Variants in TBC1D2 observed in about 807,000 individuals in gnomAD.
TBC1D2 encodes TBC1 domain family member 2, also known as TBC1 domain family member 2A.
A neutral mutation model predicts 91.1 loss-of-function variants in TBC1D2; 58 were observed. The ratio of observed to expected loss-of-function variants is 0.64; its 90% CI spans 0.52 to 0.79. The LOEUF is 0.79. Among genes scored for constraint, TBC1D2 ranks in the 30% least tolerant of loss-of-function variants. The pLI, the probability that TBC1D2 is intolerant of heterozygous loss-of-function variation, is 0.00. For missense variants in TBC1D2, 1,080 were observed against 1,208.3 expected, an observed-to-expected ratio of 0.89 and a Z score of 1.57; for synonymous variants, 482 against 511.5, an observed-to-expected ratio of 0.94 and a Z score of 0.78.
intron 7 of TBC1D2, among the ~76,000 whole-genome samples, chr9:98,212,176 C>T (rs542764647): frequency 3.9e-5 from 6 of 152,296 alleles, no homozygotes; most frequent in East Asian, 3.9e-4. Context: ...CCCTCCTGAG[C>T]AGTCACAGCA....
In TBC1D2 at chr9:98,210,831, G is replaced by C; in HGVS notation, c.1498C>G (p.Gln500Glu). The C allele has an allele frequency of 6.4e-7, 1 of 1,551,592 alleles. No homozygotes were observed. The highest frequency in any genetic ancestry group is 1.2e-5 in the South Asian group (1 of 84,030). ...CTTTCCACCTGGCAGTTTCTGGCTT[G>C]GAGGTAGGCGCACTGCAAACAGGGA... is the stretch of plus-strand genomic sequence containing the variant. ...KALLTKCAYLQARNCQVESKY... is the reference protein window; with the variant it reads ...KALLTKCAYLEARNCQVESKY... Residue 500 changes from glutamine to glutamate, a missense_variant, in exon 8 of 13, where the codon CAA (glutamine) becomes GAA (glutamate). Transcript: ENST00000465784.
At chr9:98,238,673 A>G (rs1563986196) in intron 3 of TBC1D2, among the ~76,000 whole-genome samples, 1 of 137,266 alleles carries the variant, frequency 7.3e-6, no homozygotes, top group East Asian at 1.9e-4. Context: ...TAAGTATGTT[A>G]GCTTTGCATT....
intron 9 of TBC1D2, among the ~76,000 whole-genome samples, chr9:98,207,111 G>A (rs1056516987): frequency 9.2e-5 from 14 of 152,176 alleles, no homozygotes; most frequent in African/African-American, 3.1e-4. Flanking sequence ...AGGAGGCTTC[G>A]ACTGAGAGGC....
At chr9:98,201,426 G>A in intron 11 of TBC1D2, 53 bp downstream of exon 11, 2 of 1,532,050 alleles carry the variant, frequency 1.3e-6, no homozygotes, top group South Asian at 1.2e-5. Flanking sequence ...AGACGCAGAT[G>A]GGTGAAGGGA....
chr9:98,234,238 A>C (rs541731908), intron 3 of TBC1D2, among the ~76,000 whole-genome samples: 1 of 152,244 alleles, frequency 6.6e-6, no homozygotes, highest in South Asian at 2.1e-4. Context: ...ACCTACCTGC[A>C]TGTTTGCTGG....
At position 98,209,289 on chromosome 9, in the gene TBC1D2, T is replaced by G. The variant is rs1828750157; in HGVS notation, c.1674-145A>C. On this transcript the variant is annotated intron_variant, in intron 8 of 12. Transcript: ENST00000465784. ...ACAGCTCTGGGCAGGTCACTTCAGT[T>G]CTCCCAACCTCAGATTGCGAATCTG... The G allele has an allele frequency of 1.2e-5, 9 of 746,242 alleles. No individual in the cohort carries two copies. In the South Asian group the frequency reaches 1.5e-4, roughly 12 times the overall value. The allele number at this position is 746,242 out of a possible 1,614,324, so 46.2% of individuals were successfully genotyped here.
Position 98,227,305 on chromosome 9 carries a change from T to G in TBC1D2, c.978+1647A>C, listed in dbSNP as rs185644391. 3.6e-3 allele frequency among the ~76,000 whole-genome samples: 552 copies of G among 152,354 alleles called. 1 individual carries two copies. The highest frequency in any genetic ancestry group is 6.8e-3 in the Middle Eastern group (2 of 294). On this transcript the variant is annotated intron_variant, in intron 5 of 12. Transcript: ENST00000465784. ...GCAAGCTGTAAGGGCAGAGCCTGTGTCTTTTGCTCATTGTTCTTTCCCAGC... is the reference window on the plus strand; with the variant it reads ...GCAAGCTGTAAGGGCAGAGCCTGTGGCTTTTGCTCATTGTTCTTTCCCAGC...
At chr9:98,225,123 C>T (rs1000771987) in intron 5 of TBC1D2, among the ~76,000 whole-genome samples, 2 of 152,200 alleles carry the variant, frequency 1.3e-5, no homozygotes, top group African/African-American at 2.4e-5. Flanking sequence ...ACTAAGGTGG[C>T]CCCAGAGGGC....
intron 6 of TBC1D2, chr9:98,213,621 T>C (rs1393131544): frequency 1.8e-5 from 3 of 166,684 alleles, no homozygotes; most frequent in Non-Finnish European, 3.9e-5. Context: ...GCTCAAGTAG[T>C]GTTTGTTTTT....
chr9:98,236,603 A>G (rs1000235418), intron 3 of TBC1D2, among the ~76,000 whole-genome samples: 4 of 152,226 alleles, frequency 2.6e-5, no homozygotes, highest in African/African-American at 9.6e-5. Flanking sequence ...TGATACTGAT[A>G]CTGACTTGAT....
intron 7 of TBC1D2, among the ~76,000 whole-genome samples, chr9:98,211,736 G>A (rs1388953828): frequency 6.6e-6 from 1 of 151,486 alleles, no homozygotes; most frequent in Non-Finnish European, 1.5e-5. Context: ...ATCCCACCTG[G>A]TGCCCACCTC....
intron 3 of TBC1D2, among the ~76,000 whole-genome samples, chr9:98,238,319 A>G (rs1425797500): frequency 7.3e-6 from 1 of 137,186 alleles, no homozygotes; most frequent in Non-Finnish European, 1.5e-5. Context: ...ATTATGTCAA[A>G]TTCATTCCTA....
At chr9:98,200,460 G>C (rs1828462415) in intron 11 of TBC1D2, 86 bp from the exon 12 acceptor site, 1 of 1,343,974 alleles carries the variant, frequency 7.4e-7, no homozygotes, top group African/African-American at 1.5e-5. Context: ...GACTTGGGCA[G>C]TATGGAAGAC....
At chr9:98,230,334 C>T (rs576528279) in intron 4 of TBC1D2, among the ~76,000 whole-genome samples, 1 of 152,348 alleles carries the variant, frequency 6.6e-6, no homozygotes, top group South Asian at 2.1e-4. Flanking sequence ...CTTACAGCCA[C>T]ATTTACTGCC....
chr9:98,199,493 T>G lies in TBC1D2; in HGVS notation c.2675A>C (p.Glu892Ala). The G allele has an allele frequency of 6.2e-7, 1 of 1,613,950 alleles. No homozygotes were observed. The highest frequency in any genetic ancestry group is 2.2e-5 in the East Asian group (1 of 44,874). The change falls in exon 13 of 13, where the codon GAG becomes GCG. Residue 892 changes from glutamate to alanine, a missense_variant. Glu to Ala is a moderately radical substitution (Grantham distance 107). Coordinates refer to ENST00000465784, the MANE Select transcript of TBC1D2 (RefSeq NM_001267571.2). ...RMVHRERLEAELRELEQLKAE... is the reference protein window; with the variant it reads ...RMVHRERLEAALRELEQLKAE... The stretch of plus-strand genomic sequence containing the variant: ...CTTAAGCTGCTCCAGCTCCCGCAGC[T>G]CAGCCTCCAGCCGCTCCCGGTGGAC...
intron 3 of TBC1D2, among the ~76,000 whole-genome samples, chr9:98,242,121 C>G (rs944262434): frequency 2.0e-5 from 3 of 152,156 alleles, no homozygotes; most frequent in Admixed American, 6.5e-5. Flanking sequence ...TCTAAGAGCT[C>G]TAAGTTCATC....
At position 98,216,450 on chromosome 9, in the gene TBC1D2, T is replaced by C. The variant is rs571903986; in HGVS notation, c.1375-3232A>G. ...TATCCACAAGGCTGTGGGATAACTA[T>C]TAAAGTGCCCTAATTCCCATTTAAC... On this transcript the variant is annotated intron_variant, in intron 6 of 12. Coordinates refer to ENST00000465784, the MANE Select transcript of TBC1D2 (RefSeq NM_001267571.2). Among the ~76,000 whole-genome samples, 8 of 152,284 alleles carry C rather than the reference T, an allele frequency of 5.3e-5. No individual in the cohort carries two copies. In the South Asian group the frequency reaches 1.7e-3, roughly 32 times the overall value.
intron 9 of TBC1D2, among the ~76,000 whole-genome samples, chr9:98,208,156 C>T (rs925447871): frequency 1.3e-5 from 2 of 152,080 alleles, no homozygotes; most frequent in African/African-American, 2.4e-5. Context: ...AGAGCAGGGA[C>T]GAGGGGCCTG....
chr9:98,252,799 T>C (rs767321337), intron 1 of TBC1D2, among the ~76,000 whole-genome samples: 6 of 152,068 alleles, frequency 3.9e-5, no homozygotes, highest in Non-Finnish European at 7.4e-5. Flanking sequence ...CGGGCGTGGA[T>C]GGGGATTCTC....
Sources: gnomAD v4.1 joint callset for allele counts (sites outside exome capture counted in the v4.1 genomes callset) on GRCh38, gnomAD v4.1.1 for gene constraint, MANE v1.5 for transcripts, NCBI Gene and HGNC (gene_info 2026-07-23, HGNC 2026-07-21) for gene names.